Variants in LRRC37A2 observed in about 807,000 individuals in gnomAD.
LRRC37A2 encodes the protein leucine rich repeat containing 37 member A2.
A neutral mutation model predicts 68.8 loss-of-function variants in LRRC37A2; 9 were observed. The ratio of observed to expected loss-of-function variants is 0.13; its 90% CI spans 0.08 to 0.23. The LOEUF (loss-of-function observed/expected upper bound fraction) is 0.23. Among genes scored for constraint, LRRC37A2 ranks in the 10% least tolerant of loss-of-function variants. The probability of loss-of-function intolerance (pLI) is 1.00; values close to 1 mark genes in which losing one functional copy is unlikely to be tolerated. For missense variants in LRRC37A2, 168 were observed against 950.4 expected (o/e 0.18, Z 10.82); for synonymous variants, 63 against 367.6 (o/e 0.17, Z 9.48).
the LRRC37A2 span, among the ~76,000 whole-genome samples, chr17:46,897,024 A>G: frequency 6.6e-6 from 1 of 152,204 alleles, no homozygotes; most frequent in Non-Finnish European, 1.5e-5. Flanking sequence ...AAGACCCACA[A>G]GCTAATGGGT....
chr17:46,545,412 A>G (rs2056142469), intron 8 of LRRC37A2, among the ~76,000 whole-genome samples: 1 of 121,208 alleles, frequency 8.3e-6, no homozygotes, highest in Non-Finnish European at 1.6e-5. Flanking sequence ...TAATTTTGCC[A>G]CTGTATTTCA....
chr17:46,771,334 C>T, the LRRC37A2 span, among the ~76,000 whole-genome samples: 9 of 152,088 alleles, frequency 5.9e-5, no homozygotes, highest in Admixed American at 5.2e-4. Context: ...CTCACTCGCC[C>T]CAATCCTAGA....
At chr17:46,919,586 T>A in the LRRC37A2 span, among the ~76,000 whole-genome samples, 1 of 152,192 alleles carries the variant, frequency 6.6e-6, no homozygotes, top group Non-Finnish European at 1.5e-5. Flanking sequence ...TATCCTCTGA[T>A]AGATTTTTCT....
chr17:46,909,123 C>A, the LRRC37A2 span, among the ~76,000 whole-genome samples: 3 of 152,198 alleles, frequency 2.0e-5, no homozygotes, highest in African/African-American at 4.8e-5. Flanking sequence ...ACATACATGG[C>A]TCACTGCAGC....
chr17:46,635,808 TGTGTGTGTGTGCTC>T, the LRRC37A2 span, among the ~76,000 whole-genome samples: 3 of 141,704 alleles, frequency 2.1e-5, 1 homozygote, highest in Non-Finnish European at 4.8e-5. Context: ...TGTGTGTGTG[TGTGTGTGTGTGCTC>T]GTGTGTGAAG....
the LRRC37A2 span, among the ~76,000 whole-genome samples, chr17:47,036,932 T>A: frequency 2.8e-5 from 2 of 71,496 alleles, no homozygotes; most frequent in East Asian, 7.0e-4. Flanking sequence ...TCAACCCAAA[T>A]GCCCAACCTA....
the LRRC37A2 span, chr17:46,939,175 A>C: frequency 9.1e-7 from 1 of 1,094,830 alleles, no homozygotes; most frequent in Non-Finnish European, 1.1e-6. Context: ...GGTGGAGCAA[A>C]AGTGGAAAGG....
the LRRC37A2 span, among the ~76,000 whole-genome samples, chr17:46,418,294 G>A: frequency 1.5e-5 from 1 of 64,868 alleles, no homozygotes; most frequent in Non-Finnish European, 3.7e-5. Context: ...CTTACTAGGC[G>A]TAATCAAGTT....
At chr17:46,944,357 C>T in the LRRC37A2 span, among the ~76,000 whole-genome samples, 3 of 152,200 alleles carry the variant, frequency 2.0e-5, no homozygotes, top group Non-Finnish European at 2.9e-5. Context: ...AACCACGGGC[C>T]ACACACCTCT....
chr17:46,731,644 A>G, the LRRC37A2 span, among the ~76,000 whole-genome samples: 2 of 152,150 alleles, frequency 1.3e-5, no homozygotes, highest in African/African-American at 4.8e-5. Context: ...TAAAAAGAAC[A>G]TGGAGTGAAT....
At chr17:46,906,394 T>C in the LRRC37A2 span, among the ~76,000 whole-genome samples, 1 of 152,114 alleles carries the variant, frequency 6.6e-6, no homozygotes, top group Non-Finnish European at 1.5e-5. Flanking sequence ...ACCAGGAAGG[T>C]GGGGAATAAA....
chr17:46,703,692 A>AC, the LRRC37A2 span, among the ~76,000 whole-genome samples: 1 of 151,304 alleles, frequency 6.6e-6, no homozygotes, highest in African/African-American at 2.4e-5. Flanking sequence ...AAAAAAAAAA[A>AC]AAAAAAAAAA....
At chr17:46,985,974 A>G in the LRRC37A2 span, among the ~76,000 whole-genome samples, 1 of 152,174 alleles carries the variant, frequency 6.6e-6, no homozygotes, top group South Asian at 2.1e-4. Flanking sequence ...GTAAAATGAG[A>G]AAGTTGGTTA....
the LRRC37A2 span, among the ~76,000 whole-genome samples, chr17:46,890,913 C>A: frequency 6.6e-6 from 1 of 152,170 alleles, no homozygotes; most frequent in South Asian, 2.1e-4. Flanking sequence ...GGACTTTGCC[C>A]GCCTCATCCT....
the LRRC37A2 span, among the ~76,000 whole-genome samples, chr17:46,502,938 C>A: frequency 1.3e-5 from 2 of 150,474 alleles, no homozygotes; most frequent in African/African-American, 2.5e-5. Flanking sequence ...CATTGCCAGG[C>A]GTGGTGGCTC....
the LRRC37A2 span, among the ~76,000 whole-genome samples, chr17:46,868,666 G>C: frequency 6.6e-6 from 1 of 152,088 alleles, no homozygotes; most frequent in Non-Finnish European, 1.5e-5. Flanking sequence ...TAAGACTAAG[G>C]AAGCCCACTT....
the LRRC37A2 span, chr17:46,966,626 G>T: frequency 1.5e-6 from 1 of 667,882 alleles, no homozygotes; most frequent in Admixed American, 2.1e-5. Context: ...TGGGATTATA[G>T]GTATGAGCCA....
At chr17:46,988,897 G>A in the LRRC37A2 span, among the ~76,000 whole-genome samples, 1,260 of 152,288 alleles carry the variant, frequency 8.3e-3, 13 homozygotes, top group African/African-American at 0.028. Flanking sequence ...GCTCAGTCTG[G>A]AGAGGAAGAC....
chr17:46,726,726 C>T, the LRRC37A2 span: 4 of 949,158 alleles, frequency 4.2e-6, no homozygotes, highest in Admixed American at 3.5e-5. Flanking sequence ...AATAGAAATA[C>T]CTTTCTTTGT....
Sources: allele counts gnomAD v4.1 joint callset (sites outside exome capture counted in the v4.1 genomes callset), GRCh38; gene constraint gnomAD v4.1.1; transcripts MANE v1.5; gene names NCBI Gene and HGNC (gene_info 2026-07-23, HGNC 2026-07-21).